The following WFS1 variants were observed in gnomAD, a reference collection of about 807,000 sequenced individuals.
WFS1 encodes wolframin ER transmembrane glycoprotein.
A neutral mutation model predicts 68.5 loss-of-function variants in WFS1; 90 were observed. The observed-to-expected ratio is 1.31, with a 90% CI of 1.11 to 1.56. The LOEUF is 1.56. Ranked by LOEUF, WFS1 falls within the 40% of genes most tolerant of loss-of-function variation. The probability of loss-of-function intolerance (pLI) is 0.00; values close to 1 mark genes in which losing one functional copy is unlikely to be tolerated. For synonymous variants in WFS1, 860 were observed against 540.7 expected, an observed-to-expected ratio of 1.59 and a Z score of -8.19; for missense variants, 1,767 against 1,232.6, an observed-to-expected ratio of 1.43 and a Z score of -6.49.
chr4:6,277,410 C>T (rs1215970308), intron 1 of WFS1, 41 bp from the exon 2 acceptor site: 4 of 1,537,908 alleles, frequency 2.6e-6, no homozygotes, highest in South Asian at 1.2e-5. Flanking sequence ...AGAGCGGGCT[C>T]TGCCGGTGCT....
At chr4:6,298,137 C>T (rs922861427) in intron 7 of WFS1, among the ~76,000 whole-genome samples, 1 of 152,252 alleles carries the variant, frequency 6.6e-6, no homozygotes, top group Non-Finnish European at 1.5e-5. Flanking sequence ...TGGTGGTGAG[C>T]AGTGGCGGGC....
At chr4:6,300,098 C>T (rs898384463) in intron 7 of WFS1, among the ~76,000 whole-genome samples, 1 of 152,074 alleles carries the variant, frequency 6.6e-6, no homozygotes. Context: ...TGGTGCTGGG[C>T]CCTCTGCCTG....
Position 6,277,579 on chromosome 4 carries a change from C to A in WFS1, c.124C>A (p.Arg42=). The stretch of plus-strand genomic sequence containing the variant: ...GGAGCAGGAGAGGAGCGAAAGGCCC[C>A]GAGCACCCGGACCCCAGGCTGGCCC... ...SLEQERSERP[R]APGPQAGPGP... The change falls in exon 2 of 8, where the codon CGA becomes AGA. Residue 42 remains arginine, a synonymous_variant. Transcript: ENST00000226760. The A allele has an allele frequency of 6.3e-7, 1 of 1,583,906 alleles. No individual in the cohort carries two copies. Among genetic ancestry groups the A allele is most frequent in the African/African-American group, 1.3e-5 (1 of 74,470 alleles).
rs1730592690 is a variant in WFS1, at chr4:6,295,118, T to C, written c.790T>C (p.Phe264Leu). 6.2e-7 allele frequency: 1 copy of C among 1,613,400 alleles called. No individual in the cohort carries two copies. Among genetic ancestry groups the C allele is most frequent in the Non-Finnish European group, 8.5e-7 (1 of 1,180,032 alleles). Residue 264 changes from phenylalanine (F) to leucine (L), a missense_variant, in exon 7 of 8, where the codon TTC becomes CTC. Physicochemically the swap from Phe to Leu is conservative, Grantham distance 22. Coordinates refer to ENST00000226760, the MANE Select transcript of WFS1 (RefSeq NM_006005.3). ...CAAGGGCGTCATCCCCAGCAGCCTG[T>C]TCCTGCAGGACGACGAAGATGATGA... The part of the protein sequence containing the change: ...YAKGVIPSSL[F>L]LQDDEDDDEL...
chr4:6,291,855 G>A, intron 5 of WFS1, 62 bp from the exon 6 acceptor site: 3 of 1,524,322 alleles, frequency 2.0e-6, no homozygotes, highest in Non-Finnish European at 2.7e-6. Flanking sequence ...GTTTCTGGTG[G>A]GCTGCAGGGC....
intron 1 of WFS1, among the ~76,000 whole-genome samples, chr4:6,272,702 G>A (rs544225248): frequency 1.2e-4 from 18 of 152,308 alleles, no homozygotes; most frequent in Non-Finnish European, 2.2e-4. Flanking sequence ...ATGAAACCGC[G>A]CATAAGCTTT....
chr4:6,296,529 C>T (rs1483451986), intron 7 of WFS1, among the ~76,000 whole-genome samples: 2 of 152,222 alleles, frequency 1.3e-5, no homozygotes, highest in African/African-American at 4.8e-5. Flanking sequence ...TGGCCCTAGG[C>T]AAGCATATTC....
At position 6,301,070 on chromosome 4, in the gene WFS1, C is replaced by T. The variant is rs1730875742; in HGVS notation, c.1275C>T (p.Asp425=). 4.3e-6 allele frequency: 7 copies of T among 1,614,052 alleles called. No individual in the cohort carries two copies. The highest frequency in any genetic ancestry group is 5.9e-6 in the Non-Finnish European group (7 of 1,180,052). ...TCTCCTTCCCCATCGCCAGCAAGGACTGCATCCCCTGCTCGGAGCTGGCTG... is the reference window on the plus strand; with the variant it reads ...TCTCCTTCCCCATCGCCAGCAAGGATTGCATCCCCTGCTCGGAGCTGGCTG... ...VIFSFPIASK[D]CIPCSELAVI... The change falls in exon 8 of 8, where the codon GAC becomes GAT. Residue 425 remains aspartate, a synonymous_variant. Transcript: ENST00000226760.
intron 4 of WFS1, among the ~76,000 whole-genome samples, chr4:6,290,811 G>T (rs1000254218): frequency 6.6e-6 from 1 of 152,140 alleles, no homozygotes; most frequent in African/African-American, 2.4e-5. Flanking sequence ...CCAGGCTGGT[G>T]ACTGCAGTGA....
chr4:6,292,156 C>T (rs1459655376), intron 6 of WFS1, among the ~76,000 whole-genome samples, 159 bp downstream of exon 6: 2 of 152,218 alleles, frequency 1.3e-5, no homozygotes, highest in African/African-American at 4.8e-5. Flanking sequence ...CGACCCCATC[C>T]TGGCCCTGCT....
At chr4:6,280,708 T>A (rs1408945026) in intron 2 of WFS1, among the ~76,000 whole-genome samples, 1 of 151,104 alleles carries the variant, frequency 6.6e-6, no homozygotes, top group African/African-American at 2.4e-5. Flanking sequence ...AAGTGTGTGC[T>A]AAGCATGTGG....
chr4:6,277,422 G>T, intron 1 of WFS1, 29 bp from the exon 2 acceptor site: 4 of 1,546,854 alleles, frequency 2.6e-6, no homozygotes, highest in Non-Finnish European at 3.5e-6. Flanking sequence ...GCCGGTGCTG[G>T]ATGTGCCTGA....
In WFS1 at chr4:6,301,002, G is replaced by T; in HGVS notation, c.1207G>T (p.Glu403Ter). Residue 403 changes from glutamate to a stop codon, truncating the protein, a stop_gained, in exon 8 of 8, where the codon GAG (glutamate) becomes TAG (stop). Transcript: ENST00000226760. LOFTEE classifies it high-confidence loss of function. ...GGTCAACTTCGGCTGGAACCACCTG[G>T]AGCCCTATGCCCATTTCCTGCTCTC... is the stretch of plus-strand genomic sequence containing the variant. ...AEVNFGWNHL[E>*]PYAHFLLSVF... is the part of the protein sequence containing the mutation. The T allele has an allele frequency of 6.2e-7, 1 of 1,613,968 alleles. No homozygotes were observed. The highest frequency in any genetic ancestry group is 8.5e-7 in the Non-Finnish European group (1 of 1,180,020).
chr4:6,275,520 C>T (rs902434908), intron 1 of WFS1, among the ~76,000 whole-genome samples: 1 of 144,104 alleles, frequency 6.9e-6, no homozygotes, highest in Non-Finnish European at 1.5e-5. Flanking sequence ...CTTGACCATG[C>T]ATGGTTTGCA....
intron 6 of WFS1, 105 bp downstream of exon 6, chr4:6,292,102 G>C: frequency 8.2e-7 from 1 of 1,213,310 alleles, no homozygotes; most frequent in Non-Finnish European, 1.2e-6. Context: ...TATCTCACCC[G>C]TGCCTCCCAG....
intron 7 of WFS1, among the ~76,000 whole-genome samples, chr4:6,297,752 C>T (rs1730676944): frequency 6.6e-6 from 1 of 152,164 alleles, no homozygotes; most frequent in African/African-American, 2.4e-5. Context: ...TTTTAAGTTT[C>T]GTTCTTTTTC....
intron 7 of WFS1, among the ~76,000 whole-genome samples, 182 bp from the exon 8 acceptor site, chr4:6,300,475 G>A (rs55753156): frequency 1.1e-4 from 17 of 152,112 alleles, no homozygotes; most frequent in Admixed American, 3.9e-4. Context: ...CAGGGACCGC[G>A]AGCATGGGGA....
rs1208033266 is a variant in WFS1 at position 6,291,972 on chromosome 4, G to A, written c.687G>A (p.Met229Ile). The A allele has an allele frequency of 1.9e-6, 3 of 1,609,118 alleles. No homozygotes were observed. Among genetic ancestry groups the A allele is most frequent in the African/African-American group, 1.3e-5 (1 of 74,888 alleles). Reference protein sequence around the residue: ...VPKSLQKQRRMLERLVSSESK... With the variant: ...VPKSLQKQRRILERLVSSESK... ...AGTCCCTGCAGAAGCAGAGGCGCAT[G>A]CTGGAGCGCCTGGTCAGCAGCGAGT... Residue 229 changes from methionine (M) to isoleucine (I), a missense_variant, in exon 6 of 8, where the codon ATG becomes ATA. By Grantham distance (10) the Met-to-Ile change is conservative. Coordinates refer to ENST00000226760, the MANE Select transcript of WFS1 (RefSeq NM_006005.3).
chr4:6,278,650 C>G (rs1730064969), intron 2 of WFS1, among the ~76,000 whole-genome samples: 1 of 152,258 alleles, frequency 6.6e-6, no homozygotes, highest in Non-Finnish European at 1.5e-5. Context: ...AGTCACCCCA[C>G]TGGCAGGGCC....
Sources: allele counts gnomAD v4.1 joint callset (sites outside exome capture counted in the v4.1 genomes callset), GRCh38; gene constraint gnomAD v4.1.1; transcripts MANE v1.5; gene names NCBI Gene and HGNC (gene_info 2026-07-23, HGNC 2026-07-21).